NRXN1: variants seen among roughly 807,000 people sequenced by gnomAD.
NRXN1 encodes the protein neurexin-1.
In NRXN1, 39 loss-of-function variants were observed where a neutral mutation model predicts 150.9. That is an observed-to-expected ratio of 0.26 (90% confidence interval 0.20 to 0.34). NRXN1 has a LOEUF of 0.34. Ranked by LOEUF, NRXN1 falls within the 10% of genes least tolerant of loss-of-function variation. The probability of loss-of-function intolerance (pLI) is 1.00; values close to 1 mark genes in which losing one functional copy is unlikely to be tolerated. For missense variants in NRXN1, 1,815 were observed against 1,949.9 expected (o/e 0.93, Z 1.30); for synonymous variants, 924 against 757.0 (o/e 1.22, Z -3.62).
At chr2:50,663,557 CAT>C (rs2104662188) in intron 5 of NRXN1, among the ~76,000 whole-genome samples, 1 of 152,062 alleles carries the variant, frequency 6.6e-6, no homozygotes, top group South Asian at 2.1e-4. Context: ...TGCAAAAACA[CAT>C]GTTTGGCATT....
At chr2:50,431,166 T>C (rs1049260613) in intron 17 of NRXN1, among the ~76,000 whole-genome samples, 3 of 152,324 alleles carry the variant, frequency 2.0e-5, no homozygotes, top group Admixed American at 6.5e-5. Flanking sequence ...TTTTTGTATG[T>C]CCAATCTTTG....
At chr2:50,495,387 GT>G (rs2091526565) in intron 15 of NRXN1, among the ~76,000 whole-genome samples, 1 of 137,348 alleles carries the variant, frequency 7.3e-6, no homozygotes, top group African/African-American at 3.0e-5. Context: ...TGTGGTGTGT[GT>G]GTGTGTGTGT....
intron 17 of NRXN1, among the ~76,000 whole-genome samples, chr2:50,411,051 CG>C (rs1242449205): frequency 6.6e-5 from 10 of 151,810 alleles, no homozygotes; most frequent in African/African-American, 1.9e-4. Context: ...TCCCCCTCCC[CG>C]TCCCTCTCCC....
At chr2:50,107,864 A>T (rs1701892461) in intron 18 of NRXN1, among the ~76,000 whole-genome samples, 3 of 151,934 alleles carry the variant, frequency 2.0e-5, no homozygotes, top group African/African-American at 7.2e-5. Context: ...CATAATGGTC[A>T]CAAAACAAGT....
chr2:50,459,204 C>T lies in NRXN1; in HGVS notation c.3364+6238G>A, dbSNP rs1175334021. Among the ~76,000 whole-genome samples the T allele has an allele frequency of 2.0e-5, 3 of 151,900 alleles. No individual in the cohort carries two copies. In the East Asian group the frequency reaches 5.8e-4, roughly 29 times the overall value. ...AATTATAAGGTAATTATGTGTAATC[C>T]TATACTTTAAAAACACTCCTGATAA... On this transcript the variant is annotated intron_variant, in intron 17 of 22. Coordinates refer to ENST00000401669, the MANE Select transcript of NRXN1 (RefSeq NM_001330078.2).
intron 12 of NRXN1, among the ~76,000 whole-genome samples, chr2:50,509,296 T>C (rs569286290): frequency 5.0e-4 from 76 of 152,298 alleles, no homozygotes; most frequent in Non-Finnish European, 1.0e-3. Flanking sequence ...AAGATCCTCT[T>C]TGTGGTGACT....
At chr2:50,034,168 T>C (rs1283210617) in intron 21 of NRXN1, among the ~76,000 whole-genome samples, 1 of 152,082 alleles carries the variant, frequency 6.6e-6, no homozygotes, top group African/African-American at 2.4e-5. Context: ...ATATAAATCA[T>C]TCTATTACAA....
intron 5 of NRXN1, among the ~76,000 whole-genome samples, chr2:50,761,538 C>T (rs973251750): frequency 2.0e-5 from 3 of 151,958 alleles, no homozygotes; most frequent in Non-Finnish European, 2.9e-5. Context: ...CATTAAGCCT[C>T]TTTCTCTTTA....
chr2:50,858,104 T>C (rs967196623), intron 5 of NRXN1, among the ~76,000 whole-genome samples: 1 of 151,628 alleles, frequency 6.6e-6, no homozygotes, highest in Non-Finnish European at 1.5e-5. Context: ...TTTTTTTTTT[T>C]CCGAATGGAT....
chr2:50,794,243 T>C (rs1706469909), intron 5 of NRXN1, among the ~76,000 whole-genome samples: 1 of 152,230 alleles, frequency 6.6e-6, no homozygotes, highest in South Asian at 2.1e-4. Context: ...TGTTTCAAGG[T>C]GCATCATTTG....
At chr2:49,975,423 C>T (rs1037644547) in intron 21 of NRXN1, among the ~76,000 whole-genome samples, 6 of 152,032 alleles carry the variant, frequency 3.9e-5, no homozygotes, top group Non-Finnish European at 8.8e-5. Flanking sequence ...AGGTGTGCCT[C>T]ATAAGTAAAG....
intron 5 of NRXN1, among the ~76,000 whole-genome samples, chr2:50,839,201 T>C (rs1407716414): frequency 6.6e-6 from 1 of 152,182 alleles, no homozygotes; most frequent in Non-Finnish European, 1.5e-5. Context: ...TAAGTAGCCA[T>C]GCTCCAATTT....
At chr2:49,999,422 T>G (rs1166848603) in intron 21 of NRXN1, among the ~76,000 whole-genome samples, 1 of 152,182 alleles carries the variant, frequency 6.6e-6, no homozygotes, top group African/African-American at 2.4e-5. Context: ...ATTATTTAGA[T>G]ATAAGTCAAG....
intron 2 of NRXN1, among the ~76,000 whole-genome samples, chr2:51,012,008 T>C (rs1268155308): frequency 1.3e-5 from 2 of 152,030 alleles, no homozygotes; most frequent in East Asian, 3.9e-4. Context: ...CTAGTCACAC[T>C]GGATATTCAT....
intron 18 of NRXN1, among the ~76,000 whole-genome samples, chr2:50,104,910 T>G (rs1163639027): frequency 6.6e-6 from 1 of 152,036 alleles, no homozygotes; most frequent in African/African-American, 2.4e-5. Flanking sequence ...ATCAAGTACT[T>G]TTCAGACCTC....
At chr2:50,351,572 A>G (rs2153001355) in intron 17 of NRXN1, among the ~76,000 whole-genome samples, 1 of 152,242 alleles carries the variant, frequency 6.6e-6, no homozygotes, top group South Asian at 2.1e-4. Context: ...AACACGCCTC[A>G]CTTCTACATA....
chr2:50,163,164 G>GTACATATATATATATATATA (rs1553695027), intron 18 of NRXN1, among the ~76,000 whole-genome samples: 4 of 141,752 alleles, frequency 2.8e-5, no homozygotes, highest in Non-Finnish European at 4.6e-5. Context: ...AATCCAAAAT[G>GTACATATATATATATATATA]TATATATATA....
At chr2:50,980,780 G>C (rs1205632452) in intron 2 of NRXN1, among the ~76,000 whole-genome samples, 1 of 152,098 alleles carries the variant, frequency 6.6e-6, no homozygotes, top group African/African-American at 2.4e-5. Flanking sequence ...TATCATTCCA[G>C]AGAGTTTTCC....
intron 17 of NRXN1, among the ~76,000 whole-genome samples, chr2:50,464,674 G>A (rs913313058): frequency 6.6e-6 from 1 of 151,810 alleles, no homozygotes; most frequent in African/African-American, 2.4e-5. Context: ...AATTTGTCAG[G>A]AATATTCTCT....
Sources: allele counts gnomAD v4.1 joint callset (sites outside exome capture counted in the v4.1 genomes callset), GRCh38; gene constraint gnomAD v4.1.1; transcripts MANE v1.5; gene names NCBI Gene and HGNC (gene_info 2026-07-23, HGNC 2026-07-21).